Variants in CHRNB1 observed in about 807,000 individuals in gnomAD.
The protein encoded by CHRNB1 is acetylcholine receptor subunit beta.
In CHRNB1, 47 loss-of-function variants were observed where a neutral mutation model predicts 53.8. That is an observed-to-expected ratio of 0.87 (90% CI 0.69 to 1.11). The LOEUF is 1.11. Among genes scored for constraint, CHRNB1 ranks in the 50% most tolerant of loss-of-function variants. The pLI is 0.00. For synonymous variants in CHRNB1, 259 were observed against 263.5 expected, an observed-to-expected ratio of 0.98 and a Z score of 0.16; for missense variants, 605 against 654.9, an observed-to-expected ratio of 0.92 and a Z score of 0.83.
chr17:7,454,387 C>T lies in CHRNB1; in HGVS notation c.911C>T (p.Ser304Leu), dbSNP rs1908996647. The T allele has an allele frequency of 6.2e-7, 1 of 1,614,012 alleles. No individual in the cohort carries two copies. Residue 304 changes from serine to leucine, a missense_variant, in exon 8 of 11, where the codon TCA (serine) becomes TTA (leucine). Coordinates refer to ENST00000306071, the MANE Select transcript of CHRNB1 (RefSeq NM_000747.3). ...LADKVPETSL[S>L]VPIIIKYLMF... is the part of the protein sequence containing the mutation. Reference sequence around the variant, plus strand: ...GACAAAGTACCTGAGACCTCACTATCAGTACCCATTATTATCAAGTACCTC... The same window carrying T: ...GACAAAGTACCTGAGACCTCACTATTAGTACCCATTATTATCAAGTACCTC...
At position 7,456,996 on chromosome 17, in the gene CHRNB1, A is replaced by C. The variant is rs982449266; in HGVS notation, c.*273A>C. 14 of 488,072 alleles carry C rather than the reference A, an allele frequency of 2.9e-5. No homozygotes were observed. The Admixed American group carries it at 4.3e-4, about 15-fold the overall frequency. 30.2% of individuals were successfully genotyped at this position (488,072 alleles called of 1,614,324 possible). On this transcript the variant is annotated 3_prime_UTR_variant, in exon 11 of 11. Transcript: ENST00000306071. ...CCAGTGAAATAGAACACAGAACAGG[A>C]ACTAGATTATAAGCCTTATGAGGTC...
chr17:7,446,543 C>T (rs987994748), intron 3 of CHRNB1: 1 of 540,604 alleles, frequency 1.8e-6, no homozygotes, highest in African/African-American at 1.9e-5. Flanking sequence ...CATTCCCCAT[C>T]CACTAAAGGA....
In CHRNB1 at chr17:7,447,799, C is replaced by CG. The variant is rs1908704244; in HGVS notation, c.610+154dup. 3.9e-6 allele frequency: 4 copies of CG among 1,015,908 alleles called. No individual in the cohort carries two copies. In the East Asian group the frequency reaches 7.8e-5, roughly 20 times the overall value. 62.9% of individuals were successfully genotyped at this position (1,015,908 alleles called of 1,614,324 possible). On this transcript the variant is annotated intron_variant, in intron 6 of 10. Coordinates refer to ENST00000306071, the MANE Select transcript of CHRNB1 (RefSeq NM_000747.3). Reference sequence around the variant, plus strand: ...TACATTTTAAAAGTATGGAAATTGCCGGGGGCAGTGGTTCATGCCTGCAAT... The same window carrying CG: ...TACATTTTAAAAGTATGGAAATTGCCGGGGGGCAGTGGTTCATGCCTGCAAT...
chr17:7,447,125 A>T lies in CHRNB1; in HGVS notation c.436A>T (p.Ile146Phe). ...CTCCGTGCGTTGGCAACCCCCGGGC[A>T]TCTATCGCAGCAGCTGCAGCATCCA... ...DGSVRWQPPGIYRSSCSIQVT... is the reference protein window; with the variant it reads ...DGSVRWQPPGFYRSSCSIQVT... Residue 146 changes from isoleucine (I) to phenylalanine (F), a missense_variant, in exon 5 of 11, where the codon ATC (isoleucine) becomes TTC (phenylalanine). By Grantham distance (21) the Ile-to-Phe change is conservative. Coordinates refer to ENST00000306071, the MANE Select transcript of CHRNB1 (RefSeq NM_000747.3). 6.2e-7 allele frequency: 1 copy of T among 1,614,032 alleles called. No individual in the cohort carries two copies. The highest frequency in any genetic ancestry group is 2.2e-5 in the East Asian group (1 of 44,868).
rs1567679888 is a variant in CHRNB1, at chr17:7,455,434, T to G, written c.1195T>G (p.Phe399Val). 1 of 1,614,012 alleles carries G rather than the reference T, an allele frequency of 6.2e-7. No homozygotes were observed. Among genetic ancestry groups the G allele is most frequent in the Non-Finnish European group, 8.5e-7 (1 of 1,180,018 alleles). ...TTTCATCCGGAAGCCGCCAAGTGAT[T>G]TTCTCTTCCCCAAACCCAATAGGTA... ...EYFIRKPPSD[F>V]LFPKPNRFQP... is the part of the protein sequence containing the mutation. The change falls in exon 9 of 11, where the codon TTT (phenylalanine) becomes GTT (valine). Residue 399 changes from phenylalanine to valine, a missense_variant. By Grantham distance (50) the Phe-to-Val change is conservative. Transcript: ENST00000306071.
chr17:7,447,602 G>C lies in CHRNB1; in HGVS notation c.562G>C (p.Asp188His). The C allele has an allele frequency of 5.6e-6, 9 of 1,614,208 alleles. 1 individual carries two copies. The Middle Eastern group carries it at 4.9e-4, about 89-fold the overall frequency. Residue 188 changes from aspartate to histidine, a missense_variant, in exon 6 of 11, where the codon GAC becomes CAC. Coordinates refer to ENST00000306071, the MANE Select transcript of CHRNB1 (RefSeq NM_000747.3). ...CAGCCTGCAGACAGGCCTGGGTCCTGACGGGCAAGGGCATCAGGAAATCCA... is the reference window on the plus strand; with the variant it reads ...CAGCCTGCAGACAGGCCTGGGTCCTCACGGGCAAGGGCATCAGGAAATCCA... ...EVSLQTGLGP[D>H]GQGHQEIHIH...
chr17:7,446,676 T>G, intron 3 of CHRNB1, 157 bp from the exon 4 acceptor site: 1 of 628,942 alleles, frequency 1.6e-6, no homozygotes, highest in South Asian at 1.9e-5. Context: ...TCCCAGCGAG[T>G]GAAGGCGGAG....
intron 7 of CHRNB1, among the ~76,000 whole-genome samples, chr17:7,453,784 G>T (rs897271141): frequency 6.6e-6 from 1 of 151,616 alleles, no homozygotes; most frequent in Non-Finnish European, 1.5e-5. Context: ...GTAGAGGTTG[G>T]GCAAAGTGGC....
At chr17:7,452,180 C>T (rs1229292833) in intron 7 of CHRNB1, among the ~76,000 whole-genome samples, 2 of 151,866 alleles carry the variant, frequency 1.3e-5, no homozygotes, top group East Asian at 1.9e-4. Context: ...CTCAGCCTCC[C>T]GAGTAGCTGG....
intron 3 of CHRNB1, 142 bp downstream of exon 3, chr17:7,446,255 C>G (rs1908605749): frequency 1.3e-6 from 1 of 746,896 alleles, no homozygotes; most frequent in Non-Finnish European, 2.4e-6. Context: ...AGAAACAACA[C>G]TTAACTTTAC....
intron 5 of CHRNB1, 42 bp from the exon 6 acceptor site, chr17:7,447,461 A>G (rs1205046111): frequency 1.2e-6 from 2 of 1,612,244 alleles, no homozygotes; most frequent in South Asian, 2.2e-5. Flanking sequence ...ACCAGCGCTG[A>G]CTGGTTCTCT....
At chr17:7,449,766 C>T (rs894107162) in intron 7 of CHRNB1, among the ~76,000 whole-genome samples, 11 of 148,846 alleles carry the variant, frequency 7.4e-5, no homozygotes, top group East Asian at 2.1e-4. Flanking sequence ...TAATAGCCAC[C>T]GGGCGCGGTG....
chr17:7,455,846 A>C lies in CHRNB1; in HGVS notation c.1270A>C (p.Asn424His). 1.2e-6 allele frequency: 2 copies of C among 1,614,102 alleles called. No individual in the cohort carries two copies. Among genetic ancestry groups the C allele is most frequent in the Non-Finnish European group, 1.7e-6 (2 of 1,180,028 alleles). The change falls in exon 10 of 11, where the codon AAC becomes CAC. Residue 424 changes from asparagine to histidine, a missense_variant. By Grantham distance (68) the Asn-to-His change is moderately conservative (BLOSUM62 1). Coordinates refer to ENST00000306071, the MANE Select transcript of CHRNB1 (RefSeq NM_000747.3). ...TCTGCGGCGATTTATCGATGGTCCAAACCGGGCTGTGGCCCTGCTTCCGGA... is the reference window on the plus strand; with the variant it reads ...TCTGCGGCGATTTATCGATGGTCCACACCGGGCTGTGGCCCTGCTTCCGGA... ...PDLRRFIDGP[N>H]RAVALLPELR...
At position 7,445,493 on chromosome 17, in the gene CHRNB1, G is replaced by T. The variant is rs1480510263; in HGVS notation, c.198+84G>T. The T allele has an allele frequency of 1.9e-5, 29 of 1,565,086 alleles. No individual in the cohort carries two copies. In the East Asian group the frequency reaches 6.5e-4, roughly 35 times the overall value. On this transcript the variant is annotated intron_variant, in intron 2 of 10. Transcript: ENST00000306071. This position sits in a 1 kb window ranked among gnomAD's most constrained non-coding sequence, Gnocchi z 5.7. ...GGCAAGGCCGGACCAGGGACAGGCT[G>T]GGGGCGGGGCCTGGGACGAGACCAG...
Position 7,455,352 on chromosome 17 carries a change from G to C in CHRNB1, c.1113G>C (p.Pro371=), listed in dbSNP as rs1382525209. 1 of 1,614,086 alleles carries C rather than the reference G, an allele frequency of 6.2e-7. No individual in the cohort carries two copies. The highest frequency in any genetic ancestry group is 8.5e-7 in the Non-Finnish European group (1 of 1,180,016). ...CCAAACCCGAGAGAGACCTGATGCC[G>C]GAGCCCCCTCACTGTTCTTCTCCAG... The part of the protein sequence containing the change: ...KRPKPERDLM[P]EPPHCSSPGS... Residue 371 remains proline, a synonymous_variant, in exon 9 of 11, where the codon CCG becomes CCC. Coordinates refer to ENST00000306071, the MANE Select transcript of CHRNB1 (RefSeq NM_000747.3).
intron 6 of CHRNB1, among the ~76,000 whole-genome samples, chr17:7,448,258 C>A (rs540131636): frequency 7.9e-4 from 112 of 141,714 alleles, no homozygotes; most frequent in Admixed American, 1.8e-3. Flanking sequence ...TGGTGGTGGA[C>A]ACCTGTAATC....
At chr17:7,446,329 G>GTT in intron 3 of CHRNB1, 9 of 185,972 alleles carry the variant, frequency 4.8e-5, no homozygotes, top group South Asian at 4.3e-4. Flanking sequence ...GTGTGTGTCT[G>GTT]TGTGTGTGTG....
chr17:7,456,527 G>A, intron 10 of CHRNB1, 56 bp from the exon 11 acceptor site: 1 of 1,610,118 alleles, frequency 6.2e-7, no homozygotes, highest in Non-Finnish European at 8.5e-7. Flanking sequence ...GAAATGGGGG[G>A]GTTTCCCTGG....
At position 7,447,093 on chromosome 17, in the gene CHRNB1, C is replaced by T. The variant is rs142983471; in HGVS notation, c.404C>T (p.Ser135Phe). 5 of 1,614,200 alleles carry T rather than the reference C, an allele frequency of 3.1e-6. No homozygotes were observed. Among genetic ancestry groups the T allele is most frequent in the African/African-American group, 1.3e-5 (1 of 75,064 alleles). Residue 135 changes from serine to phenylalanine, a missense_variant, in exon 5 of 11, where the codon TCC becomes TTC. Transcript: ENST00000306071. ...VALDISVVVS[S>F]DGSVRWQPPG... ...CTGGACATTAGCGTCGTGGTGTCCT[C>T]CGACGGCTCCGTGCGTTGGCAACCC... is the stretch of plus-strand genomic sequence containing the variant.
Sources: allele counts gnomAD v4.1 joint callset (sites outside exome capture counted in the v4.1 genomes callset), GRCh38; gene constraint gnomAD v4.1.1; non-coding constraint Gnocchi (gnomAD v3.1); transcripts MANE v1.5; gene names NCBI Gene and HGNC (gene_info 2026-07-23, HGNC 2026-07-21).